ZNF536: variants seen among roughly 807,000 people sequenced by gnomAD.
ZNF536 encodes zinc finger protein 536.
Under a neutral mutation model 84.5 loss-of-function variants are expected in ZNF536, and 13 were observed. The ratio of observed to expected loss-of-function variants is 0.15; its 90% CI spans 0.10 to 0.24. The LOEUF (loss-of-function observed/expected upper bound fraction) is 0.24, where lower values mean the gene tolerates loss of function less well. Ranked by LOEUF, ZNF536 falls within the 10% of genes least tolerant of loss-of-function variation. ZNF536 has a pLI of 1.00. For missense variants in ZNF536, 1,536 were observed against 1,747.5 expected (o/e 0.88, Z 2.16); for synonymous variants, 811 against 742.5 (o/e 1.09, Z -1.50).
chr19:30,558,161 A>C (rs1307829205), downstream of ZNF536: 1 of 152,188 alleles, frequency 6.6e-6, no homozygotes, highest in Non-Finnish European at 1.5e-5. Flanking sequence ...AGGGAATGCC[A>C]TTGACCCTGC....
intron 2 of ZNF536, among the ~76,000 whole-genome samples, chr19:30,524,363 G>T (rs984700508): frequency 4.6e-5 from 7 of 152,254 alleles, no homozygotes; most frequent in African/African-American, 1.7e-4. Flanking sequence ...TAATTGGAAC[G>T]GCTATATTAA....
intron 1 of ZNF536, among the ~76,000 whole-genome samples, chr19:30,705,271 C>T (rs1216112343): frequency 6.6e-6 from 1 of 152,158 alleles, no homozygotes; most frequent in East Asian, 1.9e-4. Context: ...TCTTCCACAT[C>T]AGTCTCATGG....
At chr19:30,632,517 A>G (rs1324240168) in intron 1 of ZNF536, among the ~76,000 whole-genome samples, 2 of 152,180 alleles carry the variant, frequency 1.3e-5, no homozygotes, top group Non-Finnish European at 2.9e-5. Flanking sequence ...GAGGCAGGAG[A>G]ATCGCTTGAA....
In ZNF536 at chr19:30,557,425, C is replaced by T; in HGVS notation, c.*261C>T. The T allele has an allele frequency of 2.7e-6, 1 of 367,564 alleles. No homozygotes were observed. The allele number at this position is 367,564 out of a possible 1,614,324, so 22.8% of individuals were successfully genotyped here. A position where few individuals can be genotyped will look rare whatever the true frequency, so the allele number is the denominator to read the frequency against. ...GATTGCAAAGGCTTAGTAACTTGAGCAGGAGAGAAAACTCCCTCAAAGTCA... is the reference window on the plus strand; with the variant it reads ...GATTGCAAAGGCTTAGTAACTTGAGTAGGAGAGAAAACTCCCTCAAAGTCA... On this transcript the variant is annotated 3_prime_UTR_variant, in exon 5 of 5. Transcript: ENST00000355537.
rs539341815 is a variant in ZNF536 at position 30,391,243 on chromosome 19, A to C, written c.-3+18687A>C. ...TTCTGATCCCAGGTCCAAAGGGCCCACCTTCTGCCCCACATCTGTCCCAGT... is the reference window on the plus strand; with the variant it reads ...TTCTGATCCCAGGTCCAAAGGGCCCCCCTTCTGCCCCACATCTGTCCCAGT... On this transcript the variant is annotated intron_variant, in intron 1 of 4. Coordinates refer to ENST00000355537, the MANE Select transcript of ZNF536 (RefSeq NM_014717.3). Among the ~76,000 whole-genome samples the C allele has an allele frequency of 1.4e-4, 21 of 152,320 alleles. No homozygotes were observed. The East Asian group carries it at 2.9e-3, about 21-fold the overall frequency.
intron 2 of ZNF536, among the ~76,000 whole-genome samples, chr19:30,466,217 T>C (rs2053383645): frequency 6.6e-6 from 1 of 150,924 alleles, no homozygotes; most frequent in Non-Finnish European, 1.5e-5. Context: ...AATGAGACCC[T>C]GTCTAAAAAA....
At chr19:30,417,642 G>C (rs1387461521) in intron 1 of ZNF536, among the ~76,000 whole-genome samples, 4 of 152,122 alleles carry the variant, frequency 2.6e-5, no homozygotes, top group African/African-American at 9.7e-5. Context: ...GCATTAGTTA[G>C]AACTTCCATA....
chr19:30,553,884 G>A (rs2045871212), intron 4 of ZNF536: 1 of 152,218 alleles, frequency 6.6e-6, no homozygotes, highest in African/African-American at 2.4e-5. Context: ...GAGGCCCTAT[G>A]TGCAGTGGCT....
chr19:30,652,915 G>A (rs936300064), intron 1 of ZNF536, among the ~76,000 whole-genome samples: 2 of 152,162 alleles, frequency 1.3e-5, no homozygotes, highest in Admixed American at 6.5e-5. Flanking sequence ...CCCCGTGTGG[G>A]CAGTGGAAGC....
At chr19:30,450,967 T>G (rs2052575926) in intron 2 of ZNF536, among the ~76,000 whole-genome samples, 1 of 152,242 alleles carries the variant, frequency 6.6e-6, no homozygotes, top group Non-Finnish European at 1.5e-5. Context: ...ATGCAGCCCT[T>G]CGGTCTCTGC....
At chr19:30,280,371 T>C (rs1021149602) in intron 1 of ZNF536, among the ~76,000 whole-genome samples, 4 of 151,968 alleles carry the variant, frequency 2.6e-5, no homozygotes, top group Non-Finnish European at 5.9e-5. Context: ...TCCCGTCTGT[T>C]CTCCTTCCAT....
chr19:30,528,817 G>A (rs1290243131), intron 2 of ZNF536, among the ~76,000 whole-genome samples: 1 of 152,040 alleles, frequency 6.6e-6, no homozygotes, highest in Non-Finnish European at 1.5e-5. Context: ...GGACTAGTTA[G>A]CAACCATTTG....
At chr19:30,593,233 T>A (rs1159597252) in intron 1 of ZNF536, among the ~76,000 whole-genome samples, 1 of 152,072 alleles carries the variant, frequency 6.6e-6, no homozygotes, top group African/African-American at 2.4e-5. Context: ...TCAGATGCAA[T>A]TTCAGGCCAA....
rs559037502 is a variant in ZNF536 at position 30,357,769 on chromosome 19, A to T, written c.-3+5285A>T. ...GCCTCCCAGCTGTGGGCGCCTGGGG[A>T]GAGTGACAGGCAGAGGGCTTCTGGA... On this transcript the variant is annotated intron_variant, in intron 3 of 5. Coordinates refer to the ZNF536 transcript ENST00000585628. Among the ~76,000 whole-genome samples the T allele has an allele frequency of 1.6e-4, 24 of 152,124 alleles. 1 individual carries two copies. The South Asian group carries it at 4.8e-3, about 30-fold the overall frequency.
chr19:30,256,642 T>C (rs2024931743), intron 1 of ZNF536, among the ~76,000 whole-genome samples: 3 of 152,050 alleles, frequency 2.0e-5, no homozygotes, highest in Admixed American at 2.0e-4. Flanking sequence ...TGTCATATCA[T>C]GGAGATTTTT....
chr19:30,443,471 T>C (rs2148139936), intron 1 of ZNF536, 90 bp from the exon 2 acceptor site: 1 of 1,473,564 alleles, frequency 6.8e-7, no homozygotes, highest in Non-Finnish European at 9.0e-7. Context: ...AGGTAAGGCA[T>C]GAAATGGAAA....
At chr19:30,550,898 G>T (rs1326342928) in intron 4 of ZNF536, among the ~76,000 whole-genome samples, 1 of 152,032 alleles carries the variant, frequency 6.6e-6, no homozygotes, top group Admixed American at 6.5e-5. Flanking sequence ...TGATTCACAA[G>T]GCCCCATTAA....
chr19:30,552,832 C>T (rs1382084438), intron 4 of ZNF536, among the ~76,000 whole-genome samples: 1 of 152,164 alleles, frequency 6.6e-6, no homozygotes, highest in African/African-American at 2.4e-5. Flanking sequence ...TGGGAATTTT[C>T]TAAAGCTCTT....
At chr19:30,398,909 T>A (rs1568390834) in intron 1 of ZNF536, among the ~76,000 whole-genome samples, 1 of 152,228 alleles carries the variant, frequency 6.6e-6, no homozygotes, top group Non-Finnish European at 1.5e-5. Context: ...TAGAATGATT[T>A]ATAATCCTTT....
Sources: allele counts gnomAD v4.1 joint callset (sites outside exome capture counted in the v4.1 genomes callset), GRCh38; gene constraint gnomAD v4.1.1; transcripts MANE v1.5; gene names NCBI Gene and HGNC (gene_info 2026-07-23, HGNC 2026-07-21).